LAMB1: variants seen among roughly 807,000 people sequenced by gnomAD.
LAMB1 encodes the protein laminin subunit beta 1.
LAMB1 carries 121 observed loss-of-function variants against 222.3 expected under a neutral mutation model. That is an observed-to-expected ratio of 0.54 (90% CI 0.47 to 0.63). LAMB1 has a LOEUF of 0.63. LAMB1 is among the 30% of genes least tolerant of loss of function. The pLI is 0.00. For synonymous variants in LAMB1, 794 were observed against 807.2 expected (o/e 0.98, Z 0.28); for missense variants, 2,172 against 2,240.8 (o/e 0.97, Z 0.62).
intron 5 of LAMB1, among the ~76,000 whole-genome samples, chr7:107,989,039 G>A (rs2034134001): frequency 6.6e-6 from 1 of 152,200 alleles, no homozygotes; most frequent in South Asian, 2.1e-4. Context: ...GCAGAGCTTA[G>A]ATTCAAATCC....
At chr7:107,938,747 C>T (rs1419784897) in intron 25 of LAMB1, among the ~76,000 whole-genome samples, 2 of 152,270 alleles carry the variant, frequency 1.3e-5, no homozygotes, top group East Asian at 3.9e-4. Flanking sequence ...CATTAGGAGG[C>T]TTAGTCTTTT....
chr7:107,965,232 A>C (rs78299235), intron 13 of LAMB1, among the ~76,000 whole-genome samples: 2 of 152,128 alleles, frequency 1.3e-5, no homozygotes, highest in African/African-American at 4.8e-5. Flanking sequence ...TGTGATTTTT[A>C]CTTCTGCATC....
At chr7:107,946,525 C>T (rs1360068650) in intron 24 of LAMB1, among the ~76,000 whole-genome samples, 1 of 152,256 alleles carries the variant, frequency 6.6e-6, no homozygotes, top group Non-Finnish European at 1.5e-5. Flanking sequence ...AGGGAAAATA[C>T]ATGAACAAGT....
chr7:107,940,263 C>T lies in LAMB1; in HGVS notation c.3487G>A (p.Asp1163Asn). Residue 1163 changes from aspartate (D) to asparagine (N), a missense_variant, in exon 25 of 34, where the codon GAC (aspartate) becomes AAC (asparagine). Physicochemically the swap from Asp to Asn is conservative, Grantham distance 23 (BLOSUM62 1). Transcript: ENST00000222399. Reference sequence around the variant, plus strand: ...CCCGAGTACCCTCGCGTGCACTTGTCACAGCGTGGACCCTCAACACCCTCA... The same window carrying T: ...CCCGAGTACCCTCGCGTGCACTTGTTACAGCGTGGACCCTCAACACCCTCA... ...CVEGVEGPRC[D>N]KCTRGYSGVF... 1 of 1,614,216 alleles carries T rather than the reference C, an allele frequency of 6.2e-7. No individual in the cohort carries two copies. Among genetic ancestry groups the T allele is most frequent in the South Asian group, 1.1e-5 (1 of 91,078 alleles).
chr7:107,937,534 G>A (rs1320538268), intron 25 of LAMB1, among the ~76,000 whole-genome samples: 1 of 152,168 alleles, frequency 6.6e-6, no homozygotes, highest in East Asian at 1.9e-4. Flanking sequence ...AGCCATTTAA[G>A]GGATTCCAAA....
At position 107,937,216 on chromosome 7, in the gene LAMB1, T is replaced by C; in HGVS notation, c.3823A>G (p.Thr1275Ala). The change falls in exon 26 of 34, where the codon ACT becomes GCT. Residue 1275 changes from threonine to alanine, a missense_variant. Transcript: ENST00000222399. ...AQVEVKLSDT[T>A]SQSNSTAKEL... ...TTGGCTGTGCTGTTGCTTTGGGAAG[T>C]TGTGTCAGATAATTTCACTTCTACT... 1 of 1,614,062 alleles carries C rather than the reference T, an allele frequency of 6.2e-7. No individual in the cohort carries two copies. Among genetic ancestry groups the C allele is most frequent in the Non-Finnish European group, 8.5e-7 (1 of 1,179,922 alleles).
At chr7:107,926,445 C>A (rs2032569605) in intron 31 of LAMB1, 86 bp from the exon 32 acceptor site, 1 of 1,140,272 alleles carries the variant, frequency 8.8e-7, no homozygotes, top group African/African-American at 1.6e-5. Flanking sequence ...ATTTAAAAGT[C>A]TGCTGTGCCA....
chr7:107,991,975 T>G (rs1476529336), intron 5 of LAMB1, among the ~76,000 whole-genome samples: 1 of 151,606 alleles, frequency 6.6e-6, no homozygotes. Flanking sequence ...TCTTATAAAG[T>G]TCACACTCCC....
At chr7:108,001,758 T>G in intron 2 of LAMB1, 25 bp from the exon 3 acceptor site, 3 of 1,605,882 alleles carry the variant, frequency 1.9e-6, no homozygotes, top group African/African-American at 1.4e-5. Flanking sequence ...GGCAACAGAG[T>G]TGGGGGGACA....
At chr7:107,982,616 C>T (rs911474791) in intron 7 of LAMB1, among the ~76,000 whole-genome samples, 1 of 152,160 alleles carries the variant, frequency 6.6e-6, no homozygotes, top group African/African-American at 2.4e-5. Context: ...GGCCAAACAA[C>T]AAACTTGAAG....
chr7:107,953,222 TG>T (rs999750429), intron 22 of LAMB1, among the ~76,000 whole-genome samples: 2 of 151,876 alleles, frequency 1.3e-5, no homozygotes, highest in Non-Finnish European at 2.9e-5. Context: ...CTGGGCATGG[TG>T]GGGGGTGCCT....
intron 31 of LAMB1, among the ~76,000 whole-genome samples, chr7:107,928,501 CT>C (rs111568055): frequency 0.062 from 8,890 of 144,334 alleles, 748 homozygotes; most frequent in African/African-American, 0.2. Context: ...AATAGGAGTG[CT>C]TTTTTTTTTT....
Position 107,960,353 on chromosome 7 carries a change from G to T in LAMB1, c.2314+92C>A, listed in dbSNP as rs1001065105. On this transcript the variant is annotated intron_variant, in intron 18 of 33. Transcript: ENST00000222399. Reference sequence around the variant, plus strand: ...TATTTCCCTTGTGCTGCCTAACACAGGGCTAGGGGGTGGGCACTCCACTGT... The same window carrying T: ...TATTTCCCTTGTGCTGCCTAACACATGGCTAGGGGGTGGGCACTCCACTGT... 25 of 875,166 alleles carry T rather than the reference G, an allele frequency of 2.9e-5. No individual in the cohort carries two copies. The African/African-American group carries it at 4.0e-4, about 14-fold the overall frequency. The allele number at this position is 875,166 out of a possible 1,614,324, so 54.2% of individuals were successfully genotyped here. A position where few individuals can be genotyped will look rare whatever the true frequency, so the allele number is the denominator to read the frequency against.
At chr7:107,935,214 G>T in intron 27 of LAMB1, 1 of 685,678 alleles carries the variant, frequency 1.5e-6, no homozygotes, top group Middle Eastern at 4.2e-4. Context: ...AAACCCATAT[G>T]CTGCTGCTTT....
chr7:107,974,856 A>C, intron 12 of LAMB1, 130 bp downstream of exon 12: 1 of 614,450 alleles, frequency 1.6e-6, no homozygotes, highest in South Asian at 2.0e-5. Flanking sequence ...TATTGTGTGC[A>C]TTGTCTACTC....
intron 7 of LAMB1, among the ~76,000 whole-genome samples, chr7:107,985,737 C>T (rs2034062753): frequency 6.6e-6 from 1 of 152,108 alleles, no homozygotes; most frequent in Non-Finnish European, 1.5e-5. Flanking sequence ...GTGAGCAGAT[C>T]ACCCGAGGTT....
intron 23 of LAMB1, among the ~76,000 whole-genome samples, chr7:107,951,577 C>G (rs1046642503): frequency 1.3e-5 from 2 of 152,150 alleles, no homozygotes; most frequent in Admixed American, 1.3e-4. Context: ...TCACTTTTAT[C>G]CTCACAGATC....
chr7:107,993,088 G>A (rs2034216137), intron 5 of LAMB1, among the ~76,000 whole-genome samples: 1 of 152,274 alleles, frequency 6.6e-6, no homozygotes, highest in Admixed American at 6.5e-5. Context: ...ACTGGAGCTA[G>A]GACCCGAAGG....
chr7:107,986,127 C>G (rs1476201795), intron 6 of LAMB1, 42 bp from the exon 7 acceptor site: 3 of 1,610,338 alleles, frequency 1.9e-6, no homozygotes, highest in Non-Finnish European at 2.5e-6. Context: ...CTGCAATAAT[C>G]AAAAAGTAGA....
Sources: gnomAD v4.1 joint callset for allele counts (sites outside exome capture counted in the v4.1 genomes callset) on GRCh38, gnomAD v4.1.1 for gene constraint, MANE v1.5 for transcripts, NCBI Gene and HGNC (gene_info 2026-07-23, HGNC 2026-07-21) for gene names.